The following DDX46 variants were observed in gnomAD, a reference collection of about 807,000 sequenced individuals.
The protein encoded by DDX46 is probable ATP-dependent RNA helicase DDX46.
In DDX46, 30 loss-of-function variants were observed where a neutral mutation model predicts 134.9. The ratio of observed to expected loss-of-function variants is 0.22; its 90% CI spans 0.17 to 0.30. DDX46 has a LOEUF of 0.30. DDX46 is among the 10% of genes least tolerant of loss of function. The pLI, the probability that DDX46 is intolerant of heterozygous loss-of-function variation, is 1.00. For synonymous variants in DDX46, 415 were observed against 404.1 expected (o/e 1.03, Z -0.32); for missense variants, 622 against 1,248.7 (o/e 0.50, Z 7.56).
At chr5:134,760,068 C>T (rs1753330400) in intron 1 of DDX46, among the ~76,000 whole-genome samples, 1 of 152,174 alleles carries the variant, frequency 6.6e-6, no homozygotes, top group Non-Finnish European at 1.5e-5. Context: ...AATTGATTGT[C>T]TTCCTCTGTT....
At chr5:134,785,703 T>A in intron 11 of DDX46, 117 bp downstream of exon 11, 1 of 1,233,138 alleles carries the variant, frequency 8.1e-7, no homozygotes, top group Non-Finnish European at 1.1e-6. Flanking sequence ...TAAAATCATT[T>A]AAAAAATGAA....
intron 11 of DDX46, 97 bp from the exon 12 acceptor site, chr5:134,788,416 A>T: frequency 1.1e-6 from 1 of 935,610 alleles, no homozygotes; most frequent in Non-Finnish European, 1.6e-6. Flanking sequence ...GAAGCTTGGA[A>T]GTCTTCTAAT....
chr5:134,767,277 T>A (rs1303641782), intron 3 of DDX46, among the ~76,000 whole-genome samples: 4 of 152,180 alleles, frequency 2.6e-5, no homozygotes, highest in African/African-American at 7.2e-5. Context: ...TTCAATACAT[T>A]GTATTCTTAC....
intron 2 of DDX46, 131 bp downstream of exon 2, chr5:134,764,223 C>G (rs188822439): frequency 3.7e-6 from 3 of 801,600 alleles, no homozygotes; most frequent in Admixed American, 6.2e-5. Flanking sequence ...TTATCCCCTA[C>G]TTGTTTGATT....
At chr5:134,792,450 G>A (rs978693314) in intron 13 of DDX46, among the ~76,000 whole-genome samples, 1 of 152,152 alleles carries the variant, frequency 6.6e-6, no homozygotes, top group South Asian at 2.1e-4. Flanking sequence ...TTTCTTCCAG[G>A]TGTTCAAGCA....
At chr5:134,766,770 A>G (rs1753581122) in intron 2 of DDX46, 147 bp from the exon 3 acceptor site, 2 of 866,534 alleles carry the variant, frequency 2.3e-6, no homozygotes. Context: ...TTCGTTGAGC[A>G]CTTATAAGAC....
intron 16 of DDX46, among the ~76,000 whole-genome samples, chr5:134,810,858 T>C (rs958934609): frequency 9.9e-5 from 15 of 151,610 alleles, no homozygotes; most frequent in African/African-American, 3.1e-4. Context: ...ATACAAAAAT[T>C]AGCCGGGCAT....
chr5:134,786,647 A>G (rs1449223043), intron 11 of DDX46, among the ~76,000 whole-genome samples: 1 of 152,132 alleles, frequency 6.6e-6, no homozygotes, highest in Non-Finnish European at 1.5e-5. Context: ...GCTCAAGACC[A>G]GCCTAGCCAA....
At chr5:134,827,110 T>A in intron 22 of DDX46, 90 bp downstream of exon 22, 1 of 1,304,198 alleles carries the variant, frequency 7.7e-7, no homozygotes, top group Non-Finnish European at 1.1e-6. Flanking sequence ...ATCATAAACA[T>A]ATAGTTTGAT....
At chr5:134,764,469 G>C (rs908468221) in intron 2 of DDX46, among the ~76,000 whole-genome samples, 1 of 152,100 alleles carries the variant, frequency 6.6e-6, no homozygotes, top group African/African-American at 2.4e-5. Flanking sequence ...CTTTAAAAGA[G>C]ACGGTGTTTT....
intron 3 of DDX46, among the ~76,000 whole-genome samples, chr5:134,768,588 A>G (rs1448350553): frequency 1.3e-5 from 2 of 150,206 alleles, no homozygotes; most frequent in South Asian, 2.1e-4. Context: ...GGTATCTTAC[A>G]TCAAATCTGG....
chr5:134,828,507 T>A, intron 22 of DDX46, 152 bp from the exon 23 acceptor site: 2 of 463,660 alleles, frequency 4.3e-6, no homozygotes, highest in Non-Finnish European at 7.2e-6. Context: ...ACATTTAAAA[T>A]TTTAAATAAC....
intron 14 of DDX46, among the ~76,000 whole-genome samples, chr5:134,795,532 CAAAAGTG>C (rs1580800749): frequency 6.6e-6 from 1 of 151,972 alleles, no homozygotes; most frequent in African/African-American, 2.4e-5. Context: ...TTTCTGTCAC[CAAAAGTG>C]GTGAGTGGTG....
chr5:134,778,764 G>A (rs1304994734), intron 6 of DDX46, among the ~76,000 whole-genome samples: 2 of 151,938 alleles, frequency 1.3e-5, no homozygotes, highest in African/African-American at 4.8e-5. Context: ...AGTAGAGACC[G>A]GGTTTCACCA....
At chr5:134,793,150 G>A (rs1754555216) in intron 13 of DDX46, among the ~76,000 whole-genome samples, 1 of 151,970 alleles carries the variant, frequency 6.6e-6, no homozygotes, top group Non-Finnish European at 1.5e-5. Flanking sequence ...GAGTGAGACC[G>A]TGTCTCAAGA....
chr5:134,817,479 G>A lies in DDX46; in HGVS notation c.2614-17G>A, dbSNP rs1755315566. The A allele has an allele frequency of 6.2e-7, 1 of 1,608,300 alleles. No homozygotes were observed. Among genetic ancestry groups the A allele is most frequent in the African/African-American group, 1.3e-5 (1 of 74,810 alleles). On this transcript the variant is annotated splice_polypyrimidine_tract_variant and intron_variant, in intron 19 of 22. Transcript: ENST00000452510. Reference sequence around the variant, plus strand: ...CTGCCCTCATTTGAGATTTAACTAAGTCTTCTTTAACTACAGGATGTGATG... The same window carrying A: ...CTGCCCTCATTTGAGATTTAACTAAATCTTCTTTAACTACAGGATGTGATG...
chr5:134,800,211 G>A (rs1429965304), intron 15 of DDX46, among the ~76,000 whole-genome samples: 2 of 152,164 alleles, frequency 1.3e-5, no homozygotes, highest in Admixed American at 6.5e-5. Context: ...GCCTTCCAAA[G>A]TGCTGGGGTT....
At chr5:134,800,824 T>C (rs1448241628) in intron 15 of DDX46, among the ~76,000 whole-genome samples, 5 of 152,098 alleles carry the variant, frequency 3.3e-5, no homozygotes, top group Admixed American at 6.6e-5. Context: ...TACCGGCATG[T>C]GCCACCTCGT....
chr5:134,759,544 C>A (rs1753312660), intron 1 of DDX46, among the ~76,000 whole-genome samples: 1 of 152,140 alleles, frequency 6.6e-6, no homozygotes, highest in Admixed American at 6.5e-5. Context: ...AAGTTGTGGA[C>A]TATGAGCTCT....
Sources: allele counts gnomAD v4.1 joint callset (sites outside exome capture counted in the v4.1 genomes callset), GRCh38; gene constraint gnomAD v4.1.1; transcripts MANE v1.5; gene names NCBI Gene and HGNC (gene_info 2026-07-23, HGNC 2026-07-21).